HIP1: variants seen among roughly 807,000 people sequenced by gnomAD.
HIP1 encodes the protein huntingtin-interacting protein 1.
HIP1 carries 65 observed loss-of-function variants against 147.6 expected under a neutral mutation model. That is an observed-to-expected ratio of 0.44 (90% CI 0.36 to 0.54). The LOEUF is 0.54. Among genes scored for constraint, HIP1 ranks in the 20% least tolerant of loss-of-function variants. The probability of loss-of-function intolerance (pLI) is 0.00; values close to 1 mark genes in which losing one functional copy is unlikely to be tolerated. For synonymous variants in HIP1, 479 were observed against 504.0 expected (o/e 0.95, Z 0.67); for missense variants, 1,061 against 1,299.6 (o/e 0.82, Z 2.82).
At chr7:75,594,987 C>A (rs1441790947) in intron 2 of HIP1, among the ~76,000 whole-genome samples, 3 of 152,128 alleles carry the variant, frequency 2.0e-5, no homozygotes, top group Non-Finnish European at 4.4e-5. Context: ...AAGGCTAGGT[C>A]GCAAGTGCAC....
chr7:75,648,684 C>A (rs1554511458), intron 1 of HIP1, among the ~76,000 whole-genome samples: 1 of 152,006 alleles, frequency 6.6e-6, no homozygotes, highest in Non-Finnish European at 1.5e-5. Flanking sequence ...AAGACAGAAG[C>A]CTGAATTGGG....
At chr7:75,736,139 C>A in intron 1 of HIP1, among the ~76,000 whole-genome samples, 1 of 135,754 alleles carries the variant, frequency 7.4e-6, no homozygotes. Flanking sequence ...TCTACTTCAC[C>A]CCCACCCACC....
chr7:75,567,899 C>T (rs1554495875), intron 9 of HIP1, among the ~76,000 whole-genome samples: 2 of 149,118 alleles, frequency 1.3e-5, no homozygotes, highest in East Asian at 3.9e-4. Context: ...GCCTCGGACT[C>T]CTAGGCTCAG....
At chr7:75,607,807 T>C (rs1797286013) in intron 1 of HIP1, among the ~76,000 whole-genome samples, 1 of 152,096 alleles carries the variant, frequency 6.6e-6, no homozygotes, top group Non-Finnish European at 1.5e-5. Context: ...GTCTTTGCAG[T>C]GTGACCAAGC....
At chr7:75,555,589 C>A in intron 18 of HIP1, 38 bp from the exon 19 acceptor site, 2 of 1,612,798 alleles carry the variant, frequency 1.2e-6, no homozygotes, top group Non-Finnish European at 1.7e-6. Context: ...CTGCCCTAGA[C>A]TCCATAATGA....
chr7:75,623,138 C>T (rs769299798), intron 1 of HIP1, among the ~76,000 whole-genome samples: 4 of 131,150 alleles, frequency 3.0e-5, no homozygotes, highest in Non-Finnish European at 6.1e-5. Context: ...ACGGAAGTTG[C>T]AATGAGCTGA....
intron 1 of HIP1, among the ~76,000 whole-genome samples, chr7:75,623,722 C>T (rs137874561): frequency 2.6e-5 from 4 of 152,316 alleles, no homozygotes; most frequent in Non-Finnish European, 4.4e-5. Flanking sequence ...AGAGCCTCTC[C>T]CTTGTCCTCA....
At chr7:75,731,792 G>A (rs782526728) in intron 1 of HIP1, among the ~76,000 whole-genome samples, 4 of 152,216 alleles carry the variant, frequency 2.6e-5, no homozygotes, top group South Asian at 2.1e-4. Flanking sequence ...CCCAAAGTCC[G>A]TGGGGTGCCA....
At position 75,660,043 on chromosome 7, in the gene HIP1, G is replaced by T. The variant is rs868933931; in HGVS notation, c.121-60796C>A. Among the ~76,000 whole-genome samples, 24 of 150,120 alleles carry T rather than the reference G, an allele frequency of 1.6e-4. 1 individual carries two copies. Among genetic ancestry groups the T allele is most frequent in the African/African-American group, 5.6e-4 (23 of 40,872 alleles). On this transcript the variant is annotated intron_variant, in intron 1 of 30. Coordinates refer to ENST00000336926, the MANE Select transcript of HIP1 (RefSeq NM_005338.7). The stretch of plus-strand genomic sequence containing the variant: ...CGGGAGGCTGAGGCGGAAGAATCGC[G>T]TGAACCGGAGAAGCGGAGGTTGCAC...
intron 1 of HIP1, among the ~76,000 whole-genome samples, chr7:75,712,450 T>C (rs1167937919): frequency 6.6e-6 from 1 of 151,956 alleles, no homozygotes; most frequent in South Asian, 2.1e-4. Context: ...CACACTCCAA[T>C]AGTAGGGGGA....
intron 1 of HIP1, among the ~76,000 whole-genome samples, chr7:75,689,511 TA>T (rs1800375978): frequency 1.3e-5 from 2 of 151,956 alleles, no homozygotes; most frequent in South Asian, 4.1e-4. Flanking sequence ...CTCAAATAAA[TA>T]AATAAAGGTA....
chr7:75,716,842 TCTCA>T (rs1352468571), intron 1 of HIP1, among the ~76,000 whole-genome samples: 1 of 150,010 alleles, frequency 6.7e-6, no homozygotes, highest in African/African-American at 2.5e-5. Flanking sequence ...GGGGAAAGGA[TCTCA>T]CTCTGTCACT....
chr7:75,704,154 C>G (rs1800920252), intron 1 of HIP1, among the ~76,000 whole-genome samples: 1 of 152,182 alleles, frequency 6.6e-6, no homozygotes, highest in African/African-American at 2.4e-5. Flanking sequence ...CAAAGATGAT[C>G]TCACAGACAA....
At chr7:75,554,263 G>A in intron 20 of HIP1, 43 bp from the exon 21 acceptor site, 1 of 1,528,784 alleles carries the variant, frequency 6.5e-7, no homozygotes. Flanking sequence ...CTGGTTGATG[G>A]TGACACTTTC....
At chr7:75,557,624 C>T in intron 16 of HIP1, 30 bp downstream of exon 16, 2 of 1,522,050 alleles carry the variant, frequency 1.3e-6, no homozygotes, top group Non-Finnish European at 1.8e-6. Flanking sequence ...CCCCCTCCCT[C>T]ATTTCCCGAG....
intron 1 of HIP1, among the ~76,000 whole-genome samples, chr7:75,688,739 C>T (rs1554517834): frequency 6.6e-6 from 1 of 152,136 alleles, no homozygotes; most frequent in African/African-American, 2.4e-5. Context: ...CCCAGCTCTG[C>T]CCCCCAACAG....
intron 1 of HIP1, among the ~76,000 whole-genome samples, chr7:75,700,271 G>A (rs186983324): frequency 2.6e-5 from 4 of 152,258 alleles, no homozygotes; most frequent in South Asian, 4.1e-4. Context: ...CCATGAGCCC[G>A]TCAGCTCTTC....
intron 30 of HIP1, 65 bp downstream of exon 30, chr7:75,539,258 A>T: frequency 8.7e-7 from 1 of 1,144,062 alleles, no homozygotes; most frequent in South Asian, 1.2e-5. Flanking sequence ...TTCTAGGGGA[A>T]GGCCCTGGCC....
At chr7:75,577,601 A>T (rs1795892601) in intron 7 of HIP1, among the ~76,000 whole-genome samples, 2 of 152,188 alleles carry the variant, frequency 1.3e-5, no homozygotes, top group Non-Finnish European at 2.9e-5. Context: ...GCATTCTTTT[A>T]TGGTTGAGGG....
Sources: gnomAD v4.1 joint callset for allele counts (sites outside exome capture counted in the v4.1 genomes callset) on GRCh38, gnomAD v4.1.1 for gene constraint, MANE v1.5 for transcripts, NCBI Gene and HGNC (gene_info 2026-07-23, HGNC 2026-07-21) for gene names.